IL1RAP: variants seen among roughly 807,000 people sequenced by gnomAD.
IL1RAP encodes the protein interleukin-1 receptor accessory protein.
Under a neutral mutation model 60.7 loss-of-function variants are expected in IL1RAP, and 35 were observed. The observed-to-expected ratio is 0.58, with a 90% CI of 0.44 to 0.76. The LOEUF (loss-of-function observed/expected upper bound fraction) is 0.76, where lower values mean the gene tolerates loss of function less well. Ranked by LOEUF, IL1RAP falls within the 30% of genes least tolerant of loss-of-function variation. The pLI is 0.00. For synonymous variants in IL1RAP, 268 were observed against 250.9 expected (o/e 1.07, Z -0.64); for missense variants, 572 against 693.9 (o/e 0.82, Z 1.97).
At chr3:190,641,324 C>T (rs1348467737) in intron 9 of IL1RAP, among the ~76,000 whole-genome samples, 2 of 152,072 alleles carry the variant, frequency 1.3e-5, no homozygotes, top group Non-Finnish European at 2.9e-5. Flanking sequence ...TGTCAAAACA[C>T]CTGAGGGTCC....
chr3:190,640,164 C>A (rs1452033665), intron 9 of IL1RAP, among the ~76,000 whole-genome samples: 4 of 152,210 alleles, frequency 2.6e-5, no homozygotes, highest in Admixed American at 6.5e-5. Context: ...CTCAGTGTGA[C>A]CACTTTCTCA....
rs1302486030 is a variant in IL1RAP at position 190,644,288 on chromosome 3, T to C, written c.1092T>C (p.Phe364=). The C allele has an allele frequency of 3.7e-6, 6 of 1,613,712 alleles. No individual in the cohort carries two copies. The highest frequency in any genetic ancestry group is 5.1e-6 in the Non-Finnish European group (6 of 1,179,846). ...ACACAGTGGAACTGGCTTGTGGTTT[T>C]GGAGCCACAGTCCTGCTAGTGGTGA... The part of the protein sequence containing the change: ...PRYTVELACG[F]GATVLLVVIL... Residue 364 remains phenylalanine (F), a synonymous_variant, in exon 10 of 12, where the codon TTT becomes TTC. Coordinates refer to ENST00000447382, the MANE Select transcript of IL1RAP (RefSeq NM_002182.4).
At position 190,650,707 on chromosome 3, in the gene IL1RAP, CT is replaced by C. The variant is rs1229879163; in HGVS notation, c.*2010del. ...GAAAAGTAGGTCATTCTTGGATCTACTTTTTTTTAGCCTTATTAATATTTTT... is the reference window on the plus strand; with the variant it reads ...GAAAAGTAGGTCATTCTTGGATCTACTTTTTTTAGCCTTATTAATATTTTT... On this transcript the variant is annotated 3_prime_UTR_variant, in exon 12 of 12. Coordinates refer to ENST00000447382, the MANE Select transcript of IL1RAP (RefSeq NM_002182.4). 3.0e-5 allele frequency: 29 copies of C among 975,146 alleles called. No homozygotes were observed. The highest frequency in any genetic ancestry group is 1.1e-4 in the East Asian group (1 of 8,768). The allele number at this position is 975,146 out of a possible 1,614,324, so 60.4% of individuals were successfully genotyped here. A position where few individuals can be genotyped will look rare whatever the true frequency, so the allele number is the denominator to read the frequency against.
At chr3:190,608,968 C>T (rs1283749620) in intron 4 of IL1RAP, 27 bp from the exon 5 acceptor site, 9 of 1,567,646 alleles carry the variant, frequency 5.7e-6, no homozygotes, top group Non-Finnish European at 7.9e-6. Flanking sequence ...CAAATACTAC[C>T]CATTCATTGT....
chr3:190,606,892 A>G (rs1406222176), intron 4 of IL1RAP, among the ~76,000 whole-genome samples: 4 of 152,100 alleles, frequency 2.6e-5, no homozygotes, highest in Non-Finnish European at 5.9e-5. Context: ...TTGCCCCAAT[A>G]CTGTTCAACT....
chr3:190,623,871 A>T (rs1413943350), intron 7 of IL1RAP, among the ~76,000 whole-genome samples: 1 of 152,244 alleles, frequency 6.6e-6, no homozygotes. Context: ...TTGAATGCTT[A>T]CTGTGGCTCT....
At position 190,643,801 on chromosome 3, in the gene IL1RAP, C is replaced by T. The variant is rs180951656; in HGVS notation, c.1052-447C>T. ...TAGTGGAAAAATATTGAGATTTTTA[C>T]TCAAATCAGCTGCATCAACAATTAA... On this transcript the variant is annotated intron_variant, in intron 9 of 11. Transcript: ENST00000447382. Among the ~76,000 whole-genome samples the T allele has an allele frequency of 8.3e-3, 1,259 of 152,274 alleles. 15 individuals are homozygous for T. The highest frequency in any genetic ancestry group is 0.029 in the African/African-American group (1,192 of 41,556).
At chr3:190,520,044 C>G (rs993296608) in intron 1 of IL1RAP, among the ~76,000 whole-genome samples, 1 of 152,176 alleles carries the variant, frequency 6.6e-6, no homozygotes, top group Non-Finnish European at 1.5e-5. Context: ...CAAATCATTA[C>G]TCATTTAATG....
intron 11 of IL1RAP, 133 bp downstream of exon 11, chr3:190,645,975 C>G (rs1733987220): frequency 2.8e-6 from 2 of 703,324 alleles, no homozygotes; most frequent in East Asian, 5.5e-5. Flanking sequence ...ATGTAACAGA[C>G]TCCTCTAGAA....
At chr3:190,590,262 T>C (rs1206323664) in intron 3 of IL1RAP, among the ~76,000 whole-genome samples, 1 of 151,978 alleles carries the variant, frequency 6.6e-6, no homozygotes, top group Admixed American at 6.5e-5. Context: ...TTCTTCTTTT[T>C]TTTTTTTTGG....
intron 11 of IL1RAP, among the ~76,000 whole-genome samples, chr3:190,648,060 A>G (rs538390025): frequency 1.7e-3 from 262 of 152,264 alleles, no homozygotes; most frequent in Admixed American, 3.3e-3. Context: ...GTTTTTGAAG[A>G]TCAAGGTCAC....
intron 1 of IL1RAP, among the ~76,000 whole-genome samples, chr3:190,553,548 G>A (rs571385114): frequency 1.3e-5 from 2 of 152,180 alleles, no homozygotes; most frequent in African/African-American, 2.4e-5. Context: ...TTGGCCAAGG[G>A]AGGTGAAGAG....
At chr3:190,517,253 A>G (rs944939754) in intron 1 of IL1RAP, among the ~76,000 whole-genome samples, 1 of 141,370 alleles carries the variant, frequency 7.1e-6, no homozygotes, top group African/African-American at 2.5e-5. Flanking sequence ...AAGAAGACAT[A>G]AAGTACAGAA....
At chr3:190,573,705 A>G (rs180890504) in intron 3 of IL1RAP, among the ~76,000 whole-genome samples, 2 of 152,352 alleles carry the variant, frequency 1.3e-5, no homozygotes, top group East Asian at 1.9e-4. Flanking sequence ...AATAATAGCC[A>G]TGAAGCATTT....
intron 1 of IL1RAP, among the ~76,000 whole-genome samples, chr3:190,539,455 C>G (rs569398550): frequency 1.7e-4 from 26 of 152,060 alleles, no homozygotes; most frequent in Non-Finnish European, 2.6e-4. Context: ...GATTTGTTCT[C>G]CAAGTATCTC....
At position 190,600,031 on chromosome 3, in the gene IL1RAP, C is replaced by CT. The variant is rs573964731; in HGVS notation, c.65-4087dup. Among the ~76,000 whole-genome samples, 366 of 148,900 alleles carry CT rather than the reference C, an allele frequency of 2.5e-3. 4 individuals carry two copies. The highest frequency in any genetic ancestry group is 5.9e-3 in the East Asian group (30 of 5,112). Reference sequence around the variant, plus strand: ...TTTGATTTTCTCCAAGTTCCTTTTACTTTTTTTTTTCTGACATTACATTTT... The same window carrying CT: ...TTTGATTTTCTCCAAGTTCCTTTTACTTTTTTTTTTTCTGACATTACATTTT... On this transcript the variant is annotated intron_variant, in intron 3 of 11. Transcript: ENST00000447382.
chr3:190,614,897 G>A (rs1049830670), intron 5 of IL1RAP, among the ~76,000 whole-genome samples: 3 of 152,128 alleles, frequency 2.0e-5, no homozygotes, highest in East Asian at 1.9e-4. Flanking sequence ...GGACTGGACC[G>A]TGGGACGTAG....
At chr3:190,655,823 C>T, downstream of IL1RAP, 1 of 1,169,316 alleles carries the variant, frequency 8.6e-7, no homozygotes, top group Non-Finnish European at 1.2e-6. Flanking sequence ...GGAGGATGGA[C>T]AATAACGAAC....
Position 190,649,224 on chromosome 3 carries a change from G to A in IL1RAP, c.*519G>A. The A allele has an allele frequency of 2.0e-6, 2 of 985,964 alleles. No individual in the cohort carries two copies. Among genetic ancestry groups the A allele is most frequent in the Non-Finnish European group, 2.4e-6 (2 of 830,344 alleles). The allele number at this position is 985,964 out of a possible 1,614,324, so 61.1% of individuals were successfully genotyped here. A position where few individuals can be genotyped will look rare whatever the true frequency, so the allele number is the denominator to read the frequency against. On this transcript the variant is annotated 3_prime_UTR_variant, in exon 12 of 12. Coordinates refer to ENST00000447382, the MANE Select transcript of IL1RAP (RefSeq NM_002182.4). The stretch of plus-strand genomic sequence containing the variant: ...GCTGTATAATACATAACCACAGCAA[G>A]ACTGACATCCACTTAGGATGATACA...
Sources: gnomAD v4.1 joint callset for allele counts (sites outside exome capture counted in the v4.1 genomes callset) on GRCh38, gnomAD v4.1.1 for gene constraint, MANE v1.5 for transcripts, NCBI Gene and HGNC (gene_info 2026-07-23, HGNC 2026-07-21) for gene names.